CCDC27: variants seen among roughly 807,000 people sequenced by gnomAD.
CCDC27 encodes coiled-coil domain containing 27, also known as coiled-coil domain-containing protein 27.
A neutral mutation model predicts 80.3 loss-of-function variants in CCDC27; 80 were observed. That is an observed-to-expected ratio of 1.00 (90% CI 0.83 to 1.20). The LOEUF (loss-of-function observed/expected upper bound fraction) is 1.20, where lower values mean the gene tolerates loss of function less well. Among genes scored for constraint, CCDC27 ranks in the 50% most tolerant of loss-of-function variants. The probability of loss-of-function intolerance (pLI) is 0.00; values close to 1 mark genes in which losing one functional copy is unlikely to be tolerated. For synonymous variants in CCDC27, 342 were observed against 334.3 expected (o/e 1.02, Z -0.25); for missense variants, 815 against 809.4 (o/e 1.01, Z -0.08).
chr1:3,761,313 T>G lies in CCDC27; in HGVS notation c.744T>G (p.Val248=). The G allele has an allele frequency of 1.2e-6, 2 of 1,614,050 alleles. No individual in the cohort carries two copies. The highest frequency in any genetic ancestry group is 1.7e-6 in the Non-Finnish European group (2 of 1,179,998). ...DHCLSELEIQ[V]QKKDEEILLL... ...GCCTGTCTGAGCTGGAGATACAGGT[T>G]CAGAAGAAAGACGAGGAGATCCTGC... Residue 248 remains valine, a synonymous_variant, in exon 5 of 12, where the codon GTT becomes GTG. Transcript: ENST00000294600. This position sits in a 1 kb window ranked among gnomAD's most constrained non-coding sequence, Gnocchi z 5.0.
chr1:3,764,537 C>T (rs902375359), intron 8 of CCDC27, among the ~76,000 whole-genome samples: 9 of 152,270 alleles, frequency 5.9e-5, no homozygotes, highest in South Asian at 4.1e-4. Context: ...CCCTCCTCCT[C>T]GTATCATTCT....
At chr1:3,757,935 A>AG (rs1642996811) in intron 4 of CCDC27, among the ~76,000 whole-genome samples, 1 of 151,164 alleles carries the variant, frequency 6.6e-6, no homozygotes, top group African/African-American at 2.4e-5. Flanking sequence ...AAAAAAAAAA[A>AG]AAAGAAATGG....
Position 3,763,895 on chromosome 1 carries a change from A to AC in CCDC27, c.1452+64dup. ...TGAGCATGGGCCCCAGGCTTCATTA[A>AC]CCCCCGGCAGCTCGGGGCAGGCGCT... On this transcript the variant is annotated intron_variant, in intron 8 of 11. Coordinates refer to ENST00000294600, the MANE Select transcript of CCDC27 (RefSeq NM_152492.3). This position sits in a 1 kb window ranked among gnomAD's most constrained non-coding sequence, Gnocchi z 7.5. 3 of 1,585,458 alleles carry AC rather than the reference A, an allele frequency of 1.9e-6. No individual in the cohort carries two copies. The highest frequency in any genetic ancestry group is 1.7e-6 in the Non-Finnish European group (2 of 1,162,696).
intron 4 of CCDC27, among the ~76,000 whole-genome samples, chr1:3,758,419 T>G (rs1158049759): frequency 6.6e-6 from 1 of 151,312 alleles, no homozygotes; most frequent in Non-Finnish European, 1.5e-5. Context: ...ATCTCTTGAC[T>G]TCGTGATCTA....
intron 8 of CCDC27, among the ~76,000 whole-genome samples, chr1:3,765,356 C>T (rs1337752434): frequency 6.6e-6 from 1 of 152,178 alleles, no homozygotes; most frequent in Admixed American, 6.5e-5. Flanking sequence ...GTATTGGGCA[C>T]TCAGTGGCCA....
rs373352362 is a variant in CCDC27, at chr1:3,756,120, C to T, written c.553+553C>T. On this transcript the variant is annotated intron_variant, in intron 3 of 11. Transcript: ENST00000294600. ...CTTTGGGAGGCCAAGGCGGGTGGAT[C>T]ACGAGGTTCAGGAGTTCAAGACCAG... 97 of 155,670 alleles carry T rather than the reference C, an allele frequency of 6.2e-4. 2 individuals are homozygous for T. The South Asian group carries it at 0.016, about 26-fold the overall frequency. 9.6% of individuals were successfully genotyped at this position (155,670 alleles called of 1,614,324 possible).
chr1:3,762,233 G>C (rs565046550), intron 5 of CCDC27, among the ~76,000 whole-genome samples: 3 of 152,276 alleles, frequency 2.0e-5, no homozygotes, highest in Admixed American at 2.0e-4. Flanking sequence ...CACACAGGGC[G>C]GGGGCAGGGA....
In CCDC27 at chr1:3,766,013, G is replaced by T. The variant is rs903782412; in HGVS notation, c.1453-522G>T. The stretch of plus-strand genomic sequence containing the variant: ...GCCTCCTGAGGAGCTGGGACCACAG[G>T]TGCACACCACCACACCCAACCAATG... On this transcript the variant is annotated intron_variant, in intron 8 of 11. Transcript: ENST00000294600. The surrounding 1 kb of genome is among the most constrained non-coding windows in gnomAD (Gnocchi z 6.1). 6.6e-6 allele frequency among the ~76,000 whole-genome samples: 1 copy of T among 152,058 alleles called. No individual in the cohort carries two copies. The highest frequency in any genetic ancestry group is 2.4e-5 in the African/African-American group (1 of 41,400).
rs1433840025 is a variant in CCDC27 at position 3,768,956 on chromosome 1, A to G, written c.1744-827A>G. On this transcript the variant is annotated intron_variant, in intron 10 of 11. Coordinates refer to ENST00000294600, the MANE Select transcript of CCDC27 (RefSeq NM_152492.3). This position sits in a 1 kb window ranked among gnomAD's most constrained non-coding sequence, Gnocchi z 5.6. Reference sequence around the variant, plus strand: ...CTCACACAGGCCAGGGGCCCATGACATTCCTGCTGTCACTTAAACCTGTCC... The same window carrying G: ...CTCACACAGGCCAGGGGCCCATGACGTTCCTGCTGTCACTTAAACCTGTCC... Among the ~76,000 whole-genome samples, 3 of 152,152 alleles carry G rather than the reference A, an allele frequency of 2.0e-5. No homozygotes were observed. Among genetic ancestry groups the G allele is most frequent in the Non-Finnish European group, 4.4e-5 (3 of 68,036 alleles).
chr1:3,762,637 T>C lies in CCDC27; in HGVS notation c.879T>C (p.Ala293=). 9 of 1,550,620 alleles carry C rather than the reference T, an allele frequency of 5.8e-6. No individual in the cohort carries two copies. Among genetic ancestry groups the C allele is most frequent in the Non-Finnish European group, 7.8e-6 (9 of 1,146,794 alleles). The change falls in exon 6 of 12, where the codon GCT becomes GCC. Residue 293 remains alanine, a synonymous_variant. Coordinates refer to ENST00000294600, the MANE Select transcript of CCDC27 (RefSeq NM_152492.3). ...TCTTGCAGGAGCAGCTCTCAGACGC[T>C]TCGCTGAAGCTGGGCAGGCTGAGCC... The part of the protein sequence containing the change: ...SPGRREQLSD[A]SLKLGRLSLL...
At chr1:3,757,068 G>A (rs947173137) in intron 4 of CCDC27, 178 bp downstream of exon 4, 2 of 664,952 alleles carry the variant, frequency 3.0e-6, no homozygotes, top group Non-Finnish European at 4.9e-6. Flanking sequence ...CCTCACCCCT[G>A]TCCATCCTCA....
Position 3,763,782 on chromosome 1 carries a change from G to A in CCDC27, c.1398G>A (p.Thr466=), listed in dbSNP as rs746902221. 2.0e-5 allele frequency: 32 copies of A among 1,614,028 alleles called. No homozygotes were observed. Among genetic ancestry groups the A allele is most frequent in the African/African-American group, 4.0e-5 (3 of 74,926 alleles). The change falls in exon 8 of 12, where the codon ACG becomes ACA. Residue 466 remains threonine (T), a synonymous_variant. Transcript: ENST00000294600. This position sits in a 1 kb window ranked among gnomAD's most constrained non-coding sequence, Gnocchi z 7.5. ...GAAAGATCAATACGGAAAATGAGAC[G>A]CTGCAGAAGGAGCTCCGAGAGCGGA... ...QLRKINTENE[T]LQKELRERRQ...
rs571369383 is a variant in CCDC27 at position 3,761,706 on chromosome 1, C to T, written c.861+276C>T. On this transcript the variant is annotated intron_variant, in intron 5 of 11. Transcript: ENST00000294600. This position sits in a 1 kb window ranked among gnomAD's most constrained non-coding sequence, Gnocchi z 5.0. ...AAAATGACAAATGAGAGCCGTGAGC[C>T]GATGTCTAGGCACCTGCACCTGGCT... Among the ~76,000 whole-genome samples, 5 of 152,236 alleles carry T rather than the reference C, an allele frequency of 3.3e-5. No individual in the cohort carries two copies. Among genetic ancestry groups the T allele is most frequent in the Admixed American group, 6.5e-5 (1 of 15,300 alleles).
intron 4 of CCDC27, among the ~76,000 whole-genome samples, chr1:3,758,295 TCTC>T (rs1376296060): frequency 2.0e-5 from 3 of 151,706 alleles, no homozygotes; most frequent in African/African-American, 4.8e-5. Context: ...TTCAAGCAAT[TCTC>T]CTGCCTCAGC....
chr1:3,767,522 C>A, intron 10 of CCDC27, 77 bp downstream of exon 10: 1 of 1,341,522 alleles, frequency 7.5e-7, no homozygotes, highest in Non-Finnish European at 1.0e-6. Flanking sequence ...CCACCGCCCA[C>A]CGAGGTAGAA....
At position 3,766,837 on chromosome 1, in the gene CCDC27, CTTTTTTTTT is replaced by C. The variant is rs34635257; in HGVS notation, c.1530+239_1530+247del. On this transcript the variant is annotated intron_variant, in intron 9 of 11. Coordinates refer to ENST00000294600, the MANE Select transcript of CCDC27 (RefSeq NM_152492.3). The surrounding 1 kb of genome is among the most constrained non-coding windows in gnomAD (Gnocchi z 6.1). Reference sequence around the variant, plus strand: ...AGGGACCCAGCAAGCGTTCCCAGTCCTTTTTTTTTTTTTTTTTTTTTTGAGACAGAGTCC... The same window carrying C: ...AGGGACCCAGCAAGCGTTCCCAGTCCTTTTTTTTTTTTTGAGACAGAGTCC... Among the ~76,000 whole-genome samples, 3 of 105,464 alleles carry C rather than the reference CTTTTTTTTT, an allele frequency of 2.8e-5. No homozygotes were observed. Among genetic ancestry groups the C allele is most frequent in the East Asian group, 3.3e-4 (1 of 3,044 alleles). The allele number at this position is 105,464 out of a possible 152,430, so 69.2% of individuals were successfully genotyped here.
At chr1:3,756,969 A>T in intron 4 of CCDC27, 79 bp downstream of exon 4, 2 of 1,493,252 alleles carry the variant, frequency 1.3e-6, no homozygotes, top group Non-Finnish European at 1.8e-6. Flanking sequence ...CTGCTCCCTG[A>T]CAGGCTCTGG....
At chr1:3,765,703 A>G (rs1301042004) in intron 8 of CCDC27, among the ~76,000 whole-genome samples, 5 of 151,928 alleles carry the variant, frequency 3.3e-5, no homozygotes, top group Non-Finnish European at 5.9e-5. Flanking sequence ...CACCACTTCT[A>G]TTTCCTACAA....
chr1:3,752,903 C>T (rs960294677), intron 1 of CCDC27, 104 bp downstream of exon 1: 2 of 1,286,790 alleles, frequency 1.6e-6, no homozygotes, highest in Non-Finnish European at 2.1e-6. Context: ...ATTCCACAGG[C>T]CTTCTGGTGA....
Sources: allele counts gnomAD v4.1 joint callset (sites outside exome capture counted in the v4.1 genomes callset), GRCh38; gene constraint gnomAD v4.1.1; non-coding constraint Gnocchi (gnomAD v3.1); transcripts MANE v1.5; gene names NCBI Gene and HGNC (gene_info 2026-07-23, HGNC 2026-07-21).